TRIO: variants seen among roughly 807,000 people sequenced by gnomAD.
TRIO encodes the protein triple functional domain protein.
TRIO carries 58 observed loss-of-function variants against 351.9 expected under a neutral mutation model. That is an observed-to-expected ratio of 0.16 (90% CI 0.13 to 0.21). TRIO has a LOEUF of 0.21. Among genes scored for constraint, TRIO ranks in the 10% least tolerant of loss-of-function variants. TRIO has a pLI of 1.00. For synonymous variants in TRIO, 1,758 were observed against 1,595.7 expected (o/e 1.10, Z -2.42); for missense variants, 3,201 against 4,027.8 (o/e 0.79, Z 5.56).
intron 34 of TRIO, among the ~76,000 whole-genome samples, chr5:14,444,584 AAAAC>A (rs202091543): frequency 1.1e-4 from 17 of 152,172 alleles, no homozygotes; most frequent in Admixed American, 3.3e-4. Context: ...TCATGTGTTT[AAAAC>A]AAACAAACAA....
At chr5:14,202,345 G>A (rs530158942) in intron 1 of TRIO, among the ~76,000 whole-genome samples, 3 of 62,378 alleles carry the variant, frequency 4.8e-5, no homozygotes, top group African/African-American at 1.9e-4. Context: ...ATCAGCTATC[G>A]TTAGTATTGG....
intron 34 of TRIO, among the ~76,000 whole-genome samples, chr5:14,424,494 G>A (rs919417623): frequency 6.6e-6 from 1 of 151,762 alleles, no homozygotes; most frequent in African/African-American, 2.4e-5. Flanking sequence ...AAATTAAAGG[G>A]AAAAAAAACA....
At chr5:14,380,894 T>A (rs1400649037) in intron 20 of TRIO, among the ~76,000 whole-genome samples, 1 of 152,228 alleles carries the variant, frequency 6.6e-6, no homozygotes, top group Non-Finnish European at 1.5e-5. Flanking sequence ...ACTCAAACTT[T>A]TTATTGTTGC....
At chr5:14,222,261 G>A (rs916989448) in intron 1 of TRIO, among the ~76,000 whole-genome samples, 9 of 151,648 alleles carry the variant, frequency 5.9e-5, no homozygotes, top group African/African-American at 2.2e-4. Context: ...GTAACGTATA[G>A]TGTAAACATA....
chr5:14,487,261 C>T (rs1223149109), intron 47 of TRIO, among the ~76,000 whole-genome samples: 1 of 152,122 alleles, frequency 6.6e-6, no homozygotes, highest in East Asian at 1.9e-4. Context: ...AATGCGGCCC[C>T]TTCCACCCGC....
At chr5:14,256,306 C>T (rs969613596) in intron 1 of TRIO, among the ~76,000 whole-genome samples, 8 of 152,120 alleles carry the variant, frequency 5.3e-5, no homozygotes, top group Non-Finnish European at 1.2e-4. Flanking sequence ...CATGAGGGAT[C>T]CACCCCCATG....
At chr5:14,442,412 C>T (rs1752128900) in intron 34 of TRIO, among the ~76,000 whole-genome samples, 1 of 152,022 alleles carries the variant, frequency 6.6e-6, no homozygotes, top group East Asian at 1.9e-4. Context: ...AAGGGGGGCA[C>T]AGAAAATATG....
chr5:14,289,541 C>T (rs1452046627), intron 4 of TRIO, among the ~76,000 whole-genome samples: 4 of 140,030 alleles, frequency 2.9e-5, no homozygotes, highest in Non-Finnish European at 6.1e-5. Flanking sequence ...GAGCATGACC[C>T]TTTTTTTCCT....
At chr5:14,189,720 C>A (rs1453704772) in intron 1 of TRIO, among the ~76,000 whole-genome samples, 1 of 150,354 alleles carries the variant, frequency 6.7e-6, no homozygotes, top group Non-Finnish European at 1.5e-5. Context: ...TGAATGTCTT[C>A]GTTTTAACTT....
intron 33 of TRIO, among the ~76,000 whole-genome samples, chr5:14,414,461 C>T (rs1273925572): frequency 1.3e-5 from 2 of 152,140 alleles, no homozygotes; most frequent in African/African-American, 4.8e-5. Context: ...CGAGATCAAT[C>T]TTCACATCAG....
At position 14,492,622 on chromosome 5, in the gene TRIO, C is replaced by G. The variant is rs751663099; in HGVS notation, c.7688C>G (p.Thr2563Arg). ...ISTMLVTHDY[T>R]AVKEDEINVY... is the part of the protein sequence containing the mutation. Reference sequence around the variant, plus strand: ...ACCATGTTGGTGACACACGATTACACGGCAGTGAAGGAGGATGAGATCAAC... The same window carrying G: ...ACCATGTTGGTGACACACGATTACAGGGCAGTGAAGGAGGATGAGATCAAC... The change falls in exon 49 of 57, where the codon ACG becomes AGG. Residue 2563 changes from threonine (T) to arginine (R), a missense_variant. Around this residue, in one of 19 missense-constraint regions of TRIO, gnomAD observed 1,089 missense variants for 954.9 expected, o/e 1.14. Coordinates refer to ENST00000344204, the MANE Select transcript of TRIO (RefSeq NM_007118.4). 13 of 1,614,126 alleles carry G rather than the reference C, an allele frequency of 8.1e-6. No individual in the cohort carries two copies. In the Admixed American group the frequency reaches 2.0e-4, roughly 25 times the overall value.
At chr5:14,387,357 G>A in intron 21 of TRIO, 81 bp from the exon 22 acceptor site, 1 of 1,416,458 alleles carries the variant, frequency 7.1e-7, no homozygotes, top group Non-Finnish European at 9.6e-7. Context: ...GCTCAGAGTT[G>A]GAGTCAAGTC....
At chr5:14,261,376 C>T (rs1488959020) in intron 1 of TRIO, among the ~76,000 whole-genome samples, 2 of 152,182 alleles carry the variant, frequency 1.3e-5, no homozygotes, top group Admixed American at 6.5e-5. Flanking sequence ...AACTTGTGTT[C>T]AGTTAATGTG....
intron 21 of TRIO, among the ~76,000 whole-genome samples, chr5:14,383,272 C>G (rs941446815): frequency 1.3e-5 from 2 of 152,230 alleles, no homozygotes; most frequent in Non-Finnish European, 2.9e-5. Context: ...AAATGCCTAA[C>G]ATCACATACC....
intron 40 of TRIO, among the ~76,000 whole-genome samples, chr5:14,475,614 T>A (rs1395597786): frequency 1.3e-5 from 2 of 152,260 alleles, no homozygotes; most frequent in Non-Finnish European, 2.9e-5. Flanking sequence ...TACAGATAAA[T>A]GATCGGTAAA....
chr5:14,346,925 C>T (rs553650735), intron 11 of TRIO, among the ~76,000 whole-genome samples: 1 of 152,350 alleles, frequency 6.6e-6, no homozygotes, highest in African/African-American at 2.4e-5. Context: ...AGACAGTCCT[C>T]ATACCCCACA....
intron 20 of TRIO, 28 bp from the exon 21 acceptor site, chr5:14,381,102 T>C: frequency 1.2e-6 from 2 of 1,607,482 alleles, no homozygotes; most frequent in Non-Finnish European, 1.7e-6. Flanking sequence ...TGTAGCCCTC[T>C]GACTCCATTC....
intron 15 of TRIO, 131 bp from the exon 16 acceptor site, chr5:14,366,729 G>A: frequency 7.5e-7 from 1 of 1,338,518 alleles, no homozygotes; most frequent in South Asian, 1.5e-5. Flanking sequence ...ATTTTAGGAT[G>A]ATGAAGGCAT....
At chr5:14,205,775 C>T (rs913558118) in intron 1 of TRIO, among the ~76,000 whole-genome samples, 25 of 152,206 alleles carry the variant, frequency 1.6e-4, no homozygotes, top group Admixed American at 1.5e-3. Flanking sequence ...TGCTGTCACC[C>T]GGGCTGGAGT....
Sources: allele counts gnomAD v4.1 joint callset (sites outside exome capture counted in the v4.1 genomes callset), GRCh38; gene constraint gnomAD v4.1.1; regional missense constraint gnomAD v4.1.1; transcripts MANE v1.5; gene names NCBI Gene and HGNC (gene_info 2026-07-23, HGNC 2026-07-21).